Variants in PTPRG observed in about 807,000 individuals in gnomAD.
PTPRG encodes protein tyrosine phosphatase receptor type G, also known as receptor-type tyrosine-protein phosphatase gamma.
A neutral mutation model predicts 165.3 loss-of-function variants in PTPRG; 102 were observed. That is an observed-to-expected ratio of 0.62 (90% CI 0.53 to 0.73). The LOEUF (loss-of-function observed/expected upper bound fraction) is 0.73. PTPRG is among the 30% of genes least tolerant of loss of function. PTPRG has a pLI of 0.00. For synonymous variants in PTPRG, 675 were observed against 669.5 expected (o/e 1.01, Z -0.13); for missense variants, 1,866 against 1,861.4 (o/e 1.00, Z -0.05).
At chr3:61,831,645 T>A (rs971830865) in intron 2 of PTPRG, among the ~76,000 whole-genome samples, 3 of 152,222 alleles carry the variant, frequency 2.0e-5, no homozygotes, top group African/African-American at 4.8e-5. Flanking sequence ...GTTTCTCACA[T>A]TGATGACTTA....
At chr3:61,855,246 C>T (rs2037067167) in intron 2 of PTPRG, among the ~76,000 whole-genome samples, 1 of 152,192 alleles carries the variant, frequency 6.6e-6, no homozygotes, top group African/African-American at 2.4e-5. Context: ...TAACTGGGCT[C>T]TTGTTCTAGA....
chr3:61,611,274 G>T (rs1328817359), intron 1 of PTPRG, among the ~76,000 whole-genome samples: 1 of 152,168 alleles, frequency 6.6e-6, no homozygotes, highest in Non-Finnish European at 1.5e-5. Flanking sequence ...TGTGGGTTCA[G>T]TCTCCTTACC....
At chr3:61,630,388 A>C (rs1701741568) in intron 1 of PTPRG, among the ~76,000 whole-genome samples, 2 of 152,220 alleles carry the variant, frequency 1.3e-5, no homozygotes, top group South Asian at 4.1e-4. Context: ...CATAGAAATA[A>C]AACATTTAAG....
intron 2 of PTPRG, among the ~76,000 whole-genome samples, chr3:61,960,929 A>G (rs1396437065): frequency 6.6e-6 from 1 of 152,158 alleles, no homozygotes; most frequent in Non-Finnish European, 1.5e-5. Flanking sequence ...TTCACTGATC[A>G]GCTGTGTTAA....
At chr3:62,017,627 T>G (rs1280874001) in intron 4 of PTPRG, among the ~76,000 whole-genome samples, 1 of 150,100 alleles carries the variant, frequency 6.7e-6, no homozygotes, top group African/African-American at 2.5e-5. Context: ...GGTTTCACCG[T>G]GTTAGCCAGG....
chr3:62,149,866 C>T (rs1384256127), intron 6 of PTPRG, among the ~76,000 whole-genome samples: 1 of 152,282 alleles, frequency 6.6e-6, no homozygotes, highest in Non-Finnish European at 1.5e-5. Flanking sequence ...ATTTTTTCCC[C>T]CCCTCAATCC....
At chr3:61,828,872 A>G (rs373954949) in intron 2 of PTPRG, among the ~76,000 whole-genome samples, 22 of 152,182 alleles carry the variant, frequency 1.4e-4, no homozygotes, top group African/African-American at 5.3e-4. Context: ...CCAATAACCT[A>G]TATTTCCTTT....
intron 1 of PTPRG, among the ~76,000 whole-genome samples, chr3:61,581,609 CTT>C (rs138750100): frequency 0.064 from 8,730 of 136,950 alleles, 700 homozygotes; most frequent in African/African-American, 0.2. Flanking sequence ...TTCTTTTTTT[CTT>C]TTTTTTTTTT....
chr3:61,624,762 T>TA (rs139147082), intron 1 of PTPRG, among the ~76,000 whole-genome samples: 4,328 of 152,290 alleles, frequency 0.028, 203 homozygotes, highest in African/African-American at 0.097. Context: ...ACACAGTACT[T>TA]ACCACTGTGA....
intron 2 of PTPRG, among the ~76,000 whole-genome samples, chr3:61,916,295 G>A (rs1295085623): frequency 1.3e-5 from 2 of 152,150 alleles, no homozygotes; most frequent in African/African-American, 4.8e-5. Context: ...ACTATTTAAT[G>A]AAAATATAGT....
chr3:62,103,583 A>C (rs992455464), intron 5 of PTPRG, among the ~76,000 whole-genome samples: 1 of 152,232 alleles, frequency 6.6e-6, no homozygotes, highest in African/African-American at 2.4e-5. Flanking sequence ...TCCCATGAAG[A>C]AATTTCAAGC....
At chr3:62,018,007 C>T (rs993809324) in intron 4 of PTPRG, among the ~76,000 whole-genome samples, 1 of 152,162 alleles carries the variant, frequency 6.6e-6, no homozygotes, top group Non-Finnish European at 1.5e-5. Flanking sequence ...TCTCCAGTGC[C>T]CACACTCCAA....
intron 1 of PTPRG, among the ~76,000 whole-genome samples, chr3:61,651,991 C>G (rs1037341021): frequency 4.6e-5 from 7 of 151,724 alleles, no homozygotes; most frequent in African/African-American, 9.7e-5. Flanking sequence ...GCCTGGGCTA[C>G]ACAGCGAGAC....
intron 2 of PTPRG, among the ~76,000 whole-genome samples, chr3:61,853,293 C>T (rs183197649): frequency 6.6e-6 from 1 of 152,256 alleles, no homozygotes; most frequent in Non-Finnish European, 1.5e-5. Flanking sequence ...TCTTGTTAAA[C>T]AAAGAGAGCT....
At chr3:61,833,106 C>T (rs1475660923) in intron 2 of PTPRG, among the ~76,000 whole-genome samples, 1 of 127,124 alleles carries the variant, frequency 7.9e-6, no homozygotes, top group East Asian at 2.1e-4. Context: ...TACACAGTTT[C>T]TTTATCCACG....
intron 1 of PTPRG, among the ~76,000 whole-genome samples, chr3:61,717,745 A>C (rs1018559328): frequency 5.9e-5 from 9 of 151,750 alleles, no homozygotes; most frequent in African/African-American, 2.2e-4. Flanking sequence ...GCTGAGTTTG[A>C]GCCACTGCAC....
At chr3:61,568,572 C>T (rs1048892760) in intron 1 of PTPRG, among the ~76,000 whole-genome samples, 1 of 152,068 alleles carries the variant, frequency 6.6e-6, no homozygotes, top group African/African-American at 2.4e-5. Context: ...TCTATGCAGG[C>T]CTAAGGTTTT....
Position 61,953,706 on chromosome 3 carries a change from A to T in PTPRG, c.191-35919A>T, listed in dbSNP as rs139733780. Among the ~76,000 whole-genome samples the T allele has an allele frequency of 1.1e-4, 17 of 152,288 alleles. No individual in the cohort carries two copies. The East Asian group carries it at 2.9e-3, about 26-fold the overall frequency. On this transcript the variant is annotated intron_variant, in intron 2 of 29. Coordinates refer to ENST00000474889, the MANE Select transcript of PTPRG (RefSeq NM_002841.4). Reference sequence around the variant, plus strand: ...TTTTCTTCTCCAATGTAGAAGGGTGATGGAGATGCACCTTCCATTCTTTCA... The same window carrying T: ...TTTTCTTCTCCAATGTAGAAGGGTGTTGGAGATGCACCTTCCATTCTTTCA...
At chr3:61,897,635 A>G (rs770008245) in intron 2 of PTPRG, among the ~76,000 whole-genome samples, 5 of 152,182 alleles carry the variant, frequency 3.3e-5, no homozygotes, top group Non-Finnish European at 7.4e-5. Flanking sequence ...TGGGATTTTA[A>G]TAGGAATTGT....
Sources: gnomAD v4.1 joint callset for allele counts (sites outside exome capture counted in the v4.1 genomes callset) on GRCh38, gnomAD v4.1.1 for gene constraint, MANE v1.5 for transcripts, NCBI Gene and HGNC (gene_info 2026-07-23, HGNC 2026-07-21) for gene names.